Variants in NCOR2 observed in about 807,000 individuals in gnomAD.
The protein encoded by NCOR2 is nuclear receptor corepressor 2.
NCOR2 carries 81 observed loss-of-function variants against 262.9 expected under a neutral mutation model. The ratio of observed to expected loss-of-function variants is 0.31; its 90% CI spans 0.26 to 0.37. The LOEUF (loss-of-function observed/expected upper bound fraction) is 0.37. Among genes scored for constraint, NCOR2 ranks in the 10% least tolerant of loss-of-function variants. NCOR2 has a pLI of 1.00. For missense variants in NCOR2, 3,385 were observed against 3,621.4 expected (o/e 0.93, Z 1.68); for synonymous variants, 1,659 against 1,559.3 (o/e 1.06, Z -1.51).
chr12:124,357,196 T>C (rs2038021557), intron 22 of NCOR2, among the ~76,000 whole-genome samples: 1 of 152,222 alleles, frequency 6.6e-6, no homozygotes, highest in Admixed American at 6.5e-5. Context: ...TCACTCAGGC[T>C]GGGGTGCAGT....
intron 1 of NCOR2, among the ~76,000 whole-genome samples, chr12:124,521,831 A>G (rs1306336884): frequency 6.6e-6 from 1 of 152,220 alleles, no homozygotes; most frequent in Non-Finnish European, 1.5e-5. Context: ...CAGCCTGGCT[A>G]TCATGGCAAA....
chr12:124,343,454 T>C lies in NCOR2; in HGVS notation c.4715-228A>G, dbSNP rs368242531. On this transcript the variant is annotated intron_variant, in intron 32 of 46. Coordinates refer to ENST00000405201, the Ensembl canonical transcript of NCOR2. ...ACTCACTCAATCAATTAAAAAATAT[T>C]GATGCAGCCTCTACTACGTGGCAAG... Among the ~76,000 whole-genome samples the C allele has an allele frequency of 8.5e-5, 13 of 152,314 alleles. No individual in the cohort carries two copies. The East Asian group carries it at 1.5e-3, about 18-fold the overall frequency.
exon 39 of NCOR2, chr12:124,335,614 T>C (rs1253849621): frequency 6.2e-7 from 1 of 1,604,074 alleles, no homozygotes; most frequent in Admixed American, 1.7e-5. Context: ...TTCGGGGCTG[T>C]AGCTGCTGCC....
intron 3 of NCOR2, among the ~76,000 whole-genome samples, chr12:124,476,027 T>C (rs2047084180): frequency 6.6e-6 from 1 of 152,098 alleles, no homozygotes; most frequent in Non-Finnish European, 1.5e-5. Context: ...AAAAACTCCC[T>C]AGAAAAAGCC....
At chr12:124,386,689 G>T (rs570398256) in intron 16 of NCOR2, among the ~76,000 whole-genome samples, 3 of 152,144 alleles carry the variant, frequency 2.0e-5, no homozygotes, top group African/African-American at 7.2e-5. Flanking sequence ...AGAGCATGCC[G>T]CCCCCCAGGT....
intron 1 of NCOR2, among the ~76,000 whole-genome samples, chr12:124,530,985 G>A (rs1423458005): frequency 6.6e-6 from 1 of 152,128 alleles, no homozygotes; most frequent in South Asian, 2.1e-4. Flanking sequence ...CCCAGGCCCC[G>A]AGGACTCAGG....
In NCOR2 at chr12:124,440,294, G is replaced by A. The variant is rs978403648; in HGVS notation, c.816-2298C>T. ...AGCCCCATTGGAAACAGGAAAAGGA[G>A]GGAACCCCAGGCTCTGACGGACGAG... On this transcript the variant is annotated intron_variant, in intron 7 of 46. Transcript: ENST00000405201. The surrounding 1 kb of genome is among the most constrained non-coding windows in gnomAD (Gnocchi z 5.7). 7.2e-5 allele frequency among the ~76,000 whole-genome samples: 11 copies of A among 152,196 alleles called. No individual in the cohort carries two copies. Among genetic ancestry groups the A allele is most frequent in the Admixed American group, 2.0e-4 (3 of 15,286 alleles).
exon 1 of NCOR2, chr12:124,567,335 G>C (rs1467055666): frequency 2.6e-5 from 4 of 151,744 alleles, no homozygotes; most frequent in Non-Finnish European, 4.4e-5. Context: ...GGTGGCGCCC[G>C]GGCTTGGGGC....
intron 20 of NCOR2, among the ~76,000 whole-genome samples, chr12:124,364,111 G>T (rs2038827982): frequency 6.6e-6 from 1 of 152,190 alleles, no homozygotes; most frequent in East Asian, 1.9e-4. Flanking sequence ...GGCCAGCCGG[G>T]CAGTGCTAGA....
At chr12:124,358,050 G>A (rs992698736) in intron 22 of NCOR2, among the ~76,000 whole-genome samples, 1 of 149,724 alleles carries the variant, frequency 6.7e-6, no homozygotes, top group Non-Finnish European at 1.5e-5. Flanking sequence ...GGATGTGTGT[G>A]TGCCTGTACA....
chr12:124,441,684 C>T (rs780727141), intron 7 of NCOR2, among the ~76,000 whole-genome samples: 2 of 152,244 alleles, frequency 1.3e-5, no homozygotes, highest in Non-Finnish European at 2.9e-5. Flanking sequence ...TATATTCCTC[C>T]CTCCAGGAGG....
intron 1 of NCOR2, among the ~76,000 whole-genome samples, chr12:124,491,923 G>A (rs961379825): frequency 2.0e-5 from 3 of 152,184 alleles, no homozygotes; most frequent in South Asian, 2.1e-4. Flanking sequence ...GGTAGGAAGC[G>A]GGAGGGCAGG....
At chr12:124,534,954 G>A (rs530622764) in intron 1 of NCOR2, among the ~76,000 whole-genome samples, 4 of 152,296 alleles carry the variant, frequency 2.6e-5, no homozygotes, top group South Asian at 2.1e-4. Flanking sequence ...ATTAATCACC[G>A]CAGCAAAACC....
chr12:124,407,891 G>A (rs1435537082), intron 13 of NCOR2, among the ~76,000 whole-genome samples: 1 of 152,216 alleles, frequency 6.6e-6, no homozygotes, highest in Non-Finnish European at 1.5e-5. Context: ...GGTTGGTGTG[G>A]AAAGTGGGGC....
At chr12:124,368,273 G>T (rs76330997) in intron 20 of NCOR2, among the ~76,000 whole-genome samples, 13,680 of 152,226 alleles carry the variant, frequency 0.09, 840 homozygotes, top group Non-Finnish European at 0.14. Flanking sequence ...AGGCCGGTTG[G>T]GGGGCAGGGC....
At chr12:124,438,026 A>G in intron 7 of NCOR2, 30 bp from the exon 10 acceptor site, 1 of 1,593,062 alleles carries the variant, frequency 6.3e-7, no homozygotes, top group Non-Finnish European at 8.6e-7. Flanking sequence ...CAGACAGGTC[A>G]GCCCGGCCGG....
intron 19 of NCOR2, among the ~76,000 whole-genome samples, chr12:124,372,827 T>C (rs2039608650): frequency 6.6e-6 from 1 of 152,056 alleles, no homozygotes; most frequent in African/African-American, 2.4e-5. Context: ...CCTGGCCGCC[T>C]TTCTCCCAGA....
rs959989266 is a variant in NCOR2 at position 124,440,025 on chromosome 12, G to A, written c.816-2029C>T. ...CTTCTCTTCCCAGGCCCCTCCCCAC[G>A]GTCTCCAACACACAAAGCAGGGTGC... On this transcript the variant is annotated intron_variant, in intron 7 of 46. Coordinates refer to ENST00000405201, the Ensembl canonical transcript of NCOR2. This position sits in a 1 kb window ranked among gnomAD's most constrained non-coding sequence, Gnocchi z 5.7. Among the ~76,000 whole-genome samples, 4 of 151,576 alleles carry A rather than the reference G, an allele frequency of 2.6e-5. No individual in the cohort carries two copies. The highest frequency in any genetic ancestry group is 7.3e-5 in the African/African-American group (3 of 41,210).
intron 39 of NCOR2, 54 bp from the exon 42 acceptor site, chr12:124,335,334 G>A: frequency 1.3e-6 from 2 of 1,513,270 alleles, no homozygotes; most frequent in Non-Finnish European, 1.8e-6. Flanking sequence ...AGGGCTGCTG[G>A]GCCCAAATCC....
Sources: allele counts gnomAD v4.1 joint callset (sites outside exome capture counted in the v4.1 genomes callset), GRCh38; gene constraint gnomAD v4.1.1; non-coding constraint Gnocchi (gnomAD v3.1); transcripts MANE v1.5; gene names NCBI Gene and HGNC (gene_info 2026-07-23, HGNC 2026-07-21).